LRRFIP1: variants seen among roughly 807,000 people sequenced by gnomAD.
LRRFIP1 encodes LRR binding FLII interacting protein 1, also known as leucine-rich repeat flightless-interacting protein 1.
Under a neutral mutation model 104.4 loss-of-function variants are expected in LRRFIP1, and 62 were observed. The ratio of observed to expected loss-of-function variants is 0.59; its 90% CI spans 0.48 to 0.73. The LOEUF (loss-of-function observed/expected upper bound fraction) is 0.73. Among genes scored for constraint, LRRFIP1 ranks in the 30% least tolerant of loss-of-function variants. LRRFIP1 has a pLI of 0.00. For synonymous variants in LRRFIP1, 300 were observed against 299.0 expected (o/e 1.00, Z -0.03); for missense variants, 796 against 824.5 (o/e 0.97, Z 0.42).
intron 8 of LRRFIP1, among the ~76,000 whole-genome samples, chr2:237,729,222 C>T (rs1186307803): frequency 2.0e-5 from 3 of 152,180 alleles, no homozygotes; most frequent in East Asian, 1.9e-4. Flanking sequence ...CCATGGCACC[C>T]GGCTGGATGC....
chr2:237,766,962 G>A lies in LRRFIP1; in HGVS notation c.1460-2981G>A, dbSNP rs1166387106. 6.6e-6 allele frequency among the ~76,000 whole-genome samples: 1 copy of A among 152,158 alleles called. No individual in the cohort carries two copies. Among genetic ancestry groups the A allele is most frequent in the Non-Finnish European group, 1.5e-5 (1 of 68,032 alleles). Reference sequence around the variant, plus strand: ...AGGCAGGCAGATCACTTAAGCCCAGGAGTTCAAGCCCAGCCTGGGCAACAT... The same window carrying A: ...AGGCAGGCAGATCACTTAAGCCCAGAAGTTCAAGCCCAGCCTGGGCAACAT... On this transcript the variant is annotated intron_variant, in intron 19 of 23. Coordinates refer to ENST00000308482, the MANE Select transcript of LRRFIP1 (RefSeq NM_001137550.2). The surrounding 1 kb of genome is among the most constrained non-coding windows in gnomAD (Gnocchi z 4.8).
At chr2:237,728,248 T>C (rs2094846928) in intron 8 of LRRFIP1, among the ~76,000 whole-genome samples, 1 of 152,238 alleles carries the variant, frequency 6.6e-6, no homozygotes, top group Non-Finnish European at 1.5e-5. Context: ...TGGGTGTATG[T>C]ATATAATGTG....
chr2:237,720,941 A>T (rs969893077), intron 6 of LRRFIP1, 119 bp downstream of exon 6: 2 of 840,670 alleles, frequency 2.4e-6, no homozygotes, highest in African/African-American at 3.4e-5. Flanking sequence ...GTCAATATTT[A>T]ACCGATGAGA....
intron 1 of LRRFIP1, among the ~76,000 whole-genome samples, chr2:237,707,333 T>C (rs1259474654): frequency 6.6e-6 from 1 of 150,680 alleles, no homozygotes; most frequent in Non-Finnish European, 1.5e-5. Context: ...CTCAGGAGGC[T>C]GAGGCAGGAG....
At chr2:237,729,635 G>A (rs2094915465) in intron 8 of LRRFIP1, 1 of 160,886 alleles carries the variant, frequency 6.2e-6, no homozygotes, top group Non-Finnish European at 1.3e-5. Flanking sequence ...TGTGCCTCGC[G>A]TCTTTAGATA....
chr2:237,739,156 T>A, intron 10 of LRRFIP1, 76 bp from the exon 11 acceptor site: 1 of 1,327,128 alleles, frequency 7.5e-7, no homozygotes, highest in Non-Finnish European at 1.1e-6. Flanking sequence ...TCTGTCGGCC[T>A]CTATTCTCCT....
chr2:237,700,033 G>C (rs2093428655), intron 1 of LRRFIP1, among the ~76,000 whole-genome samples: 1 of 152,208 alleles, frequency 6.6e-6, no homozygotes, highest in African/African-American at 2.4e-5. Context: ...ACGGAACCGA[G>C]GTGAGCCTCC....
Position 237,760,898 on chromosome 2 carries a change from C to T in LRRFIP1, c.1459+693C>T, listed in dbSNP as rs567527932. Among the ~76,000 whole-genome samples the T allele has an allele frequency of 3.8e-4, 58 of 152,246 alleles. No homozygotes were observed. In the South Asian group the frequency reaches 0.011, roughly 28 times the overall value. ...CAGTAGATCAGAGGAATATTTTATA[C>T]CATTTTCAATGATCTGATTTGTCAT... On this transcript the variant is annotated intron_variant, in intron 19 of 23. Coordinates refer to ENST00000308482, the MANE Select transcript of LRRFIP1 (RefSeq NM_001137550.2).
chr2:237,757,319 A>G, intron 16 of LRRFIP1, 137 bp from the exon 17 acceptor site: 1 of 545,904 alleles, frequency 1.8e-6, no homozygotes, highest in Non-Finnish European at 3.3e-6. Flanking sequence ...TAGAATGCTG[A>G]CAATGAGTTC....
chr2:237,767,373 A>C (rs2150901566), intron 19 of LRRFIP1, among the ~76,000 whole-genome samples: 2 of 152,332 alleles, frequency 1.3e-5, no homozygotes, highest in South Asian at 4.1e-4. Flanking sequence ...AGAATAGAGA[A>C]AAACATTGGT....
At chr2:237,701,474 C>T (rs1156637814) in intron 1 of LRRFIP1, among the ~76,000 whole-genome samples, 8 of 152,352 alleles carry the variant, frequency 5.3e-5, no homozygotes, top group African/African-American at 1.2e-4. Context: ...CTCTGCGCTC[C>T]GCTGGGGTTT....
intron 1 of LRRFIP1, among the ~76,000 whole-genome samples, chr2:237,646,551 A>G (rs879435157): frequency 4.6e-5 from 7 of 152,104 alleles, no homozygotes; most frequent in Admixed American, 4.6e-4. Context: ...ACAAGCCCGC[A>G]TTCGTATTTT....
At chr2:237,644,870 G>A (rs931471246) in intron 1 of LRRFIP1, among the ~76,000 whole-genome samples, 1 of 152,260 alleles carries the variant, frequency 6.6e-6, no homozygotes, top group Non-Finnish European at 1.5e-5. Context: ...TTAGACTGAA[G>A]TCTTGGATTT....
chr2:237,739,422 T>C lies in LRRFIP1; in HGVS notation c.633+113T>C. 4 of 918,498 alleles carry C rather than the reference T, an allele frequency of 4.4e-6. No individual in the cohort carries two copies. In the South Asian group the frequency reaches 6.8e-5, roughly 16 times the overall value. The allele number at this position is 918,498 out of a possible 1,614,324, so 56.9% of individuals were successfully genotyped here. On this transcript the variant is annotated intron_variant, in intron 11 of 23. Coordinates refer to ENST00000308482, the MANE Select transcript of LRRFIP1 (RefSeq NM_001137550.2). ...GAATATTACTCTGCGGTGATATTATTAGGATTACATTGCTCAACTTTTCAA... is the reference window on the plus strand; with the variant it reads ...GAATATTACTCTGCGGTGATATTATCAGGATTACATTGCTCAACTTTTCAA...
At chr2:237,720,867 C>T (rs1186201640) in intron 6 of LRRFIP1, 45 bp downstream of exon 6, 1 of 1,567,862 alleles carries the variant, frequency 6.4e-7, no homozygotes. Flanking sequence ...AGTTTCTGGT[C>T]CAAGCCCTTT....
intron 1 of LRRFIP1, among the ~76,000 whole-genome samples, chr2:237,706,227 T>C (rs2093799473): frequency 6.6e-6 from 1 of 151,910 alleles, no homozygotes; most frequent in African/African-American, 2.4e-5. Flanking sequence ...TACACCAGAG[T>C]CTTGGGGACC....
Position 237,693,080 on chromosome 2 carries a change from C to T in LRRFIP1, c.97-15464C>T, listed in dbSNP as rs542155392. On this transcript the variant is annotated intron_variant, in intron 1 of 23. Transcript: ENST00000308482. ...CCTGCCTCTAGGATTTTGCCGTTGT[C>T]CAGCTCAATATGCAGTCGTGGGGCT... Among the ~76,000 whole-genome samples the T allele has an allele frequency of 5.9e-5, 9 of 152,364 alleles. No individual in the cohort carries two copies. The South Asian group carries it at 6.2e-4, about 11-fold the overall frequency.
In LRRFIP1 at chr2:237,712,359, A is replaced by G. The variant is rs149752094; in HGVS notation, c.184-1900A>G. Reference sequence around the variant, plus strand: ...TCCGTGGGCCATGGGGTTGAAGTTCACATTGAGGACGCTGGCACGCACAGC... The same window carrying G: ...TCCGTGGGCCATGGGGTTGAAGTTCGCATTGAGGACGCTGGCACGCACAGC... On this transcript the variant is annotated intron_variant, in intron 2 of 23. Coordinates refer to ENST00000308482, the MANE Select transcript of LRRFIP1 (RefSeq NM_001137550.2). 3.3e-3 allele frequency among the ~76,000 whole-genome samples: 502 copies of G among 152,310 alleles called. 10 individuals are homozygous for G. In the East Asian group the frequency reaches 0.047, roughly 14 times the overall value.
chr2:237,769,934 T>A lies in LRRFIP1; in HGVS notation c.1460-9T>A. The A allele has an allele frequency of 6.3e-7, 1 of 1,594,982 alleles. No individual in the cohort carries two copies. The highest frequency in any genetic ancestry group is 8.6e-7 in the Non-Finnish European group (1 of 1,169,030). Reference sequence around the variant, plus strand: ...TTCACCTAAACCTGTGTCTTTGTGATTTCTTTAGATATTAGGTTGAAAAAG... The same window carrying A: ...TTCACCTAAACCTGTGTCTTTGTGAATTCTTTAGATATTAGGTTGAAAAAG... On this transcript the variant is annotated splice_polypyrimidine_tract_variant and intron_variant, in intron 19 of 23. Coordinates refer to ENST00000308482, the MANE Select transcript of LRRFIP1 (RefSeq NM_001137550.2).
Sources: allele counts gnomAD v4.1 joint callset (sites outside exome capture counted in the v4.1 genomes callset), GRCh38; gene constraint gnomAD v4.1.1; non-coding constraint Gnocchi (gnomAD v3.1); transcripts MANE v1.5; gene names NCBI Gene and HGNC (gene_info 2026-07-23, HGNC 2026-07-21).